The following CHST6 variants were observed in gnomAD, a reference collection of about 807,000 sequenced individuals.
CHST6 encodes N-acetylglucosamine 6-O-sulfotransferase 5.
For missense variants in CHST6, 698 were observed against 586.2 expected (o/e 1.19, Z -1.97); for synonymous variants, 309 against 276.4 (o/e 1.12, Z -1.17).
intron 1 of CHST6, among the ~76,000 whole-genome samples, chr16:75,493,811 C>G (rs1179038792): frequency 6.6e-6 from 1 of 152,108 alleles, no homozygotes; most frequent in Non-Finnish European, 1.5e-5. Context: ...CAAGGGCAAA[C>G]AAAACAGAAG....
intron 2 of CHST6, among the ~76,000 whole-genome samples, chr16:75,481,000 T>G (rs1317002806): frequency 1.3e-5 from 2 of 150,546 alleles, no homozygotes; most frequent in African/African-American, 4.9e-5. Context: ...GATTCAAGCC[T>G]GTAATCCCAG....
At chr16:75,481,745 G>A (rs1017024642) in intron 2 of CHST6, 72 bp downstream of exon 2, 10 of 454,568 alleles carry the variant, frequency 2.2e-5, no homozygotes, top group East Asian at 7.3e-5. Context: ...CAGCTGAGGC[G>A]GAGCTGGGAT....
chr16:75,477,871 C>G lies in CHST6; in HGVS notation c.*770G>C, dbSNP rs1169639649. On this transcript the variant is annotated 3_prime_UTR_variant, in exon 3 of 3. Transcript: ENST00000332272. ...CTGATCCTGCTTTCCCCCTCTTGCT[C>G]TGCCACTCACTGTGCCTGGCTTGCT... is the stretch of plus-strand genomic sequence containing the variant. 6.5e-6 allele frequency: 1 copy of G among 153,376 alleles called. No individual in the cohort carries two copies. The allele number at this position is 153,376 out of a possible 1,614,324, so 9.5% of individuals were successfully genotyped here.
At position 75,479,240 on chromosome 16, in the gene CHST6, T is replaced by A; in HGVS notation, c.589A>T (p.Ile197Phe). 6.2e-7 allele frequency: 1 copy of A among 1,611,874 alleles called. No homozygotes were observed. The highest frequency in any genetic ancestry group is 8.5e-7 in the Non-Finnish European group (1 of 1,179,700). ...LLSDPALNLR[I>F]VHLVRDPRAV... ...CGCGGGTCGCGCACCAGGTGCACGA[T>A]GCGTAGGTTGAGCGCGGGGTCGCTG... The change falls in exon 3 of 3, where the codon ATC (isoleucine) becomes TTC (phenylalanine). Residue 197 changes from isoleucine (I) to phenylalanine (F), a missense_variant. Transcript: ENST00000332272.
intron 1 of CHST6, among the ~76,000 whole-genome samples, chr16:75,493,908 A>C (rs1287434523): frequency 1.3e-5 from 2 of 152,116 alleles, no homozygotes; most frequent in Non-Finnish European, 2.9e-5. Flanking sequence ...GAAGTACCGC[A>C]ATCTCAGCTC....
Position 75,474,767 on chromosome 16 carries a change from ACT to A in CHST6, c.*3872_*3873del. ...TGAACTCCTTCATTTAAAAGGCACC[ACT>A]CTCAGGATAACCAACTCACTCCTGA... On this transcript the variant is annotated 3_prime_UTR_variant, in exon 3 of 3. Coordinates refer to ENST00000332272, the MANE Select transcript of CHST6 (RefSeq NM_021615.5). 1 of 397,690 alleles carries A rather than the reference ACT, an allele frequency of 2.5e-6. No homozygotes were observed. Among genetic ancestry groups the A allele is most frequent in the Non-Finnish European group, 4.4e-6 (1 of 225,816 alleles). 24.6% of individuals were successfully genotyped at this position (397,690 alleles called of 1,614,324 possible).
At chr16:75,484,825 C>T (rs1183431772) in intron 1 of CHST6, among the ~76,000 whole-genome samples, 2 of 152,092 alleles carry the variant, frequency 1.3e-5, no homozygotes, top group Non-Finnish European at 2.9e-5. Flanking sequence ...GCCTGGGCGA[C>T]AGAGCGAGAC....
In CHST6 at chr16:75,479,506, T is replaced by A. The variant is rs368924788; in HGVS notation, c.323A>T (p.Asp108Val). The A allele has an allele frequency of 2.7e-5, 44 of 1,612,758 alleles. No individual in the cohort carries two copies. The highest frequency in any genetic ancestry group is 3.5e-5 in the Non-Finnish European group (41 of 1,179,850). The part of the protein sequence containing the change: ...SVFLCDMDVF[D>V]AYLPWRRNLS... ...GTTGCGGCGCCAAGGCAGATAGGCA[T>A]CAAACACGTCCATGTCGCACAGGAA... The change falls in exon 3 of 3, where the codon GAT (aspartate) becomes GTT (valine). Residue 108 changes from aspartate (D) to valine (V), a missense_variant. By Grantham distance (152) the Asp-to-Val change is radical (BLOSUM62 -3). Coordinates refer to ENST00000332272, the MANE Select transcript of CHST6 (RefSeq NM_021615.5).
In CHST6 at chr16:75,478,686, G is replaced by A; in HGVS notation, c.1143C>T (p.Asn381=). The change falls in exon 3 of 3, where the codon AAC becomes AAT. Residue 381 remains asparagine (N), a synonymous_variant. Transcript: ENST00000332272. ...ALDLVLPRGL[N]GFTWASSTAS... is the part of the protein sequence containing the mutation. ...CGGTGGATGATGCCCAAGTGAAGCCGTTCAGGCCTCGTGGCAGCACCAGAT... is the reference window on the plus strand; with the variant it reads ...CGGTGGATGATGCCCAAGTGAAGCCATTCAGGCCTCGTGGCAGCACCAGAT... The A allele has an allele frequency of 1.9e-6, 3 of 1,613,754 alleles. No individual in the cohort carries two copies. Among genetic ancestry groups the A allele is most frequent in the Non-Finnish European group, 2.5e-6 (3 of 1,180,022 alleles).
intron 1 of CHST6, among the ~76,000 whole-genome samples, chr16:75,482,309 G>A (rs2738815): frequency 6.6e-6 from 1 of 152,196 alleles, no homozygotes; most frequent in Non-Finnish European, 1.5e-5. Context: ...AGCACTTTGG[G>A]AGGCCAAGGC....
At chr16:75,493,001 G>T (rs2080272258) in intron 1 of CHST6, among the ~76,000 whole-genome samples, 1 of 152,080 alleles carries the variant, frequency 6.6e-6, no homozygotes, top group South Asian at 2.1e-4. Context: ...AGGTGATAGT[G>T]AGAAATTATT....
rs764425999 is a variant in CHST6, at chr16:75,478,768, T to C, written c.1061A>G (p.Gln354Arg). ...RVQELCAGAL[Q>R]LLGYRPVYSE... The stretch of plus-strand genomic sequence containing the variant: ...GTACACAGGCCGGTAGCCCAGCAGC[T>C]GCAGCGCACCAGCGCACAGTTCCTG... The change falls in exon 3 of 3, where the codon CAG (glutamine) becomes CGG (arginine). Residue 354 changes from glutamine (Q) to arginine (R), a missense_variant. Coordinates refer to ENST00000332272, the MANE Select transcript of CHST6 (RefSeq NM_021615.5). 6.2e-6 allele frequency: 10 copies of C among 1,613,526 alleles called. No individual in the cohort carries two copies. In the South Asian group the frequency reaches 9.9e-5, roughly 16 times the overall value.
rs901241278 is a variant in CHST6, at chr16:75,489,398, CAAAAAAA to C, written c.-92+5535_-92+5541del. On this transcript the variant is annotated intron_variant, in intron 1 of 2. Transcript: ENST00000332272. The stretch of plus-strand genomic sequence containing the variant: ...TGGGCAACAAAGCAAGACTCTGTCT[CAAAAAAA>C]AAAAAAAAAAAAAAGAAAAAAGAAA... Among the ~76,000 whole-genome samples, 74 of 58,126 alleles carry C rather than the reference CAAAAAAA, an allele frequency of 1.3e-3. No individual in the cohort carries two copies. The South Asian group carries it at 0.039, about 31-fold the overall frequency. 38.1% of individuals were successfully genotyped at this position (58,126 alleles called of 152,430 possible).
intron 2 of CHST6, among the ~76,000 whole-genome samples, chr16:75,481,501 C>A (rs528441379): frequency 1.3e-5 from 2 of 149,820 alleles, no homozygotes; most frequent in African/African-American, 4.9e-5. Flanking sequence ...TAGGCTGAGA[C>A]GTGAAAATCG....
intron 1 of CHST6, among the ~76,000 whole-genome samples, chr16:75,489,398 CAAAAAAAAAAAA>C (rs901241278): frequency 1.7e-5 from 1 of 58,140 alleles, no homozygotes; most frequent in East Asian, 5.8e-4. Flanking sequence ...GACTCTGTCT[CAAAAAAAAAAAA>C]AAAAAAAAAG....
chr16:75,494,618 C>G (rs940139814), intron 1 of CHST6, among the ~76,000 whole-genome samples: 1 of 152,240 alleles, frequency 6.6e-6, no homozygotes, highest in Non-Finnish European at 1.5e-5. Flanking sequence ...GCTACCGTCT[C>G]TCAATAATTC....
chr16:75,478,718 C>A lies in CHST6; in HGVS notation c.1111G>T (p.Ala371Ser). The change falls in exon 3 of 3, where the codon GCC (alanine) becomes TCC (serine). Residue 371 changes from alanine to serine, a missense_variant. Coordinates refer to ENST00000332272, the MANE Select transcript of CHST6 (RefSeq NM_021615.5). ...CCTCGTGGCAGCACCAGATCAAGGGCGAGGTTGCGCTGCTCGTCCTCAGAG... is the reference window on the plus strand; with the variant it reads ...CCTCGTGGCAGCACCAGATCAAGGGAGAGGTTGCGCTGCTCGTCCTCAGAG... ...VYSEDEQRNL[A>S]LDLVLPRGLN... is the part of the protein sequence containing the mutation. The A allele has an allele frequency of 1.2e-6, 2 of 1,613,586 alleles. No homozygotes were observed. The highest frequency in any genetic ancestry group is 1.7e-6 in the Non-Finnish European group (2 of 1,180,028).
chr16:75,488,206 A>G (rs955495041), intron 1 of CHST6, among the ~76,000 whole-genome samples: 21 of 151,996 alleles, frequency 1.4e-4, no homozygotes, highest in African/African-American at 5.1e-4. Context: ...GCTCATGTCT[A>G]TAATCCCAGC....
Position 75,479,549 on chromosome 16 carries a change from C to G in CHST6, c.280G>C (p.Asp94His). The change falls in exon 3 of 3, where the codon GAC becomes CAC. Residue 94 changes from aspartate (D) to histidine (H), a missense_variant. Coordinates refer to ENST00000332272, the MANE Select transcript of CHST6 (RefSeq NM_021615.5). ...CACAGGAAGACGGAGCGCACCAGGT[C>G]GCGCACAGCCATGTGCAGCGTTGCG... ...SAATLHMAVR[D>H]LVRSVFLCDM... is the part of the protein sequence containing the mutation. 7 of 1,612,984 alleles carry G rather than the reference C, an allele frequency of 4.3e-6. No individual in the cohort carries two copies. The highest frequency in any genetic ancestry group is 5.9e-6 in the Non-Finnish European group (7 of 1,179,862).
Sources: gnomAD v4.1 joint callset for allele counts (sites outside exome capture counted in the v4.1 genomes callset) on GRCh38, gnomAD v4.1.1 for gene constraint, MANE v1.5 for transcripts, NCBI Gene and HGNC (gene_info 2026-07-23, HGNC 2026-07-21) for gene names.